Variants in DIP2C observed in about 807,000 individuals in gnomAD.
The protein encoded by DIP2C is DIP2 acetate--CoA ligase C (putative).
DIP2C carries 33 observed loss-of-function variants against 192.4 expected under a neutral mutation model. The ratio of observed to expected loss-of-function variants is 0.17; its 90% CI spans 0.13 to 0.23. The LOEUF is 0.23. Among genes scored for constraint, DIP2C ranks in the 10% least tolerant of loss-of-function variants. The pLI is 1.00. For missense variants in DIP2C, 1,537 were observed against 2,110.1 expected (o/e 0.73, Z 5.32); for synonymous variants, 979 against 864.1 (o/e 1.13, Z -2.33).
At chr10:572,164 C>T (rs1017069912) in intron 1 of DIP2C, among the ~76,000 whole-genome samples, 1 of 152,232 alleles carries the variant, frequency 6.6e-6, no homozygotes, top group Admixed American at 6.5e-5. Context: ...CTGGGGCCCT[C>T]GACAGCCTCA....
chr10:557,491 C>G (rs1288871528), intron 1 of DIP2C, among the ~76,000 whole-genome samples: 3 of 151,388 alleles, frequency 2.0e-5, no homozygotes, highest in Non-Finnish European at 2.9e-5. Flanking sequence ...CTCTGCTGGC[C>G]TCACCTGGGC....
chr10:323,512 C>A (rs1957121424), intron 31 of DIP2C, among the ~76,000 whole-genome samples: 1 of 152,230 alleles, frequency 6.6e-6, no homozygotes, highest in Non-Finnish European at 1.5e-5. Flanking sequence ...CGTTTCCACA[C>A]TCACTCACGA....
At chr10:376,036 T>C (rs1340044165) in intron 17 of DIP2C, among the ~76,000 whole-genome samples, 1 of 152,208 alleles carries the variant, frequency 6.6e-6, no homozygotes, top group Non-Finnish European at 1.5e-5. Flanking sequence ...CCTGCAGTCA[T>C]GTAACGGCGG....
intron 1 of DIP2C, among the ~76,000 whole-genome samples, chr10:593,805 C>T (rs1238366118): frequency 6.6e-6 from 1 of 152,200 alleles, no homozygotes; most frequent in African/African-American, 2.4e-5. Flanking sequence ...GTAAAGTCCA[C>T]AAGAAAGGGA....
chr10:661,633 G>A (rs768157202), intron 1 of DIP2C, among the ~76,000 whole-genome samples: 2 of 152,168 alleles, frequency 1.3e-5, no homozygotes, highest in African/African-American at 4.8e-5. Context: ...TCTAAGCAGG[G>A]CCTTTTCTGG....
intron 9 of DIP2C, among the ~76,000 whole-genome samples, chr10:404,312 G>GA (rs1964651724): frequency 6.6e-6 from 1 of 151,394 alleles, no homozygotes; most frequent in Non-Finnish European, 1.5e-5. Context: ...CGGTTCAAGC[G>GA]ATTCTCTTGC....
At chr10:685,398 G>C (rs1404062668) in intron 1 of DIP2C, among the ~76,000 whole-genome samples, 1 of 151,714 alleles carries the variant, frequency 6.6e-6, no homozygotes, top group Non-Finnish European at 1.5e-5. Context: ...GGAGTCAGTG[G>C]GCATGGAACA....
intron 2 of DIP2C, chr10:484,812 T>C: frequency 6.2e-7 from 1 of 1,611,466 alleles, no homozygotes; most frequent in Non-Finnish European, 8.5e-7. Flanking sequence ...GCCGGTTCCC[T>C]GCGGTGCTGG....
In DIP2C at chr10:662,514, T is replaced by A. The variant is rs546194205; in HGVS notation, c.85+26980A>T. Among the ~76,000 whole-genome samples, 5 of 152,344 alleles carry A rather than the reference T, an allele frequency of 3.3e-5. No individual in the cohort carries two copies. The South Asian group carries it at 1.0e-3, about 32-fold the overall frequency. On this transcript the variant is annotated intron_variant, in intron 1 of 36. Transcript: ENST00000280886. ...CTGAACGCTAATCATGAAGCAGCTG[T>A]GTTTGCTCCTAAATCTGTTTATGCC... is the stretch of plus-strand genomic sequence containing the variant.
Position 617,884 on chromosome 10 carries a change from C to T in DIP2C, c.85+71610G>A, listed in dbSNP as rs181303215. Among the ~76,000 whole-genome samples the T allele has an allele frequency of 2.0e-3, 300 of 152,090 alleles. 1 individual carries two copies. The highest frequency in any genetic ancestry group is 6.8e-3 in the African/African-American group (280 of 41,428). On this transcript the variant is annotated intron_variant, in intron 1 of 36. Coordinates refer to ENST00000280886, the MANE Select transcript of DIP2C (RefSeq NM_014974.3). ...GCCCTCCAAGGGCACTCATCTGTTCCTTATTGCACTAATACCTCGTTTACA... is the reference window on the plus strand; with the variant it reads ...GCCCTCCAAGGGCACTCATCTGTTCTTTATTGCACTAATACCTCGTTTACA...
intron 1 of DIP2C, among the ~76,000 whole-genome samples, chr10:591,966 T>G (rs1345088591): frequency 6.6e-6 from 1 of 152,234 alleles, no homozygotes; most frequent in East Asian, 1.9e-4. Context: ...TGAAGAACGA[T>G]GCGAGTCTAA....
At chr10:493,573 C>T (rs943715105) in intron 1 of DIP2C, among the ~76,000 whole-genome samples, 2 of 152,176 alleles carry the variant, frequency 1.3e-5, no homozygotes, top group African/African-American at 4.8e-5. Context: ...GTGGGCTCTT[C>T]TCAGATGGCC....
chr10:279,000 A>G (rs1021172817), intron 36 of DIP2C, among the ~76,000 whole-genome samples: 2 of 152,076 alleles, frequency 1.3e-5, no homozygotes, highest in Non-Finnish European at 2.9e-5. Flanking sequence ...GAAACTCACT[A>G]TTGTTCTAAG....
chr10:312,562 G>A (rs1004859326), intron 31 of DIP2C, among the ~76,000 whole-genome samples: 3 of 152,056 alleles, frequency 2.0e-5, no homozygotes, highest in Non-Finnish European at 4.4e-5. Context: ...AAGCCCAATG[G>A]AAAAACTGCC....
chr10:542,436 G>A (rs748209290), intron 1 of DIP2C, among the ~76,000 whole-genome samples: 2 of 152,194 alleles, frequency 1.3e-5, no homozygotes, highest in Admixed American at 6.5e-5. Context: ...AGAAAGGAAC[G>A]GTGTCAAAGA....
chr10:484,770 GC>G, intron 2 of DIP2C: 2 of 1,609,446 alleles, frequency 1.2e-6, no homozygotes, highest in South Asian at 1.1e-5. Flanking sequence ...TCTCAGCAAA[GC>G]AGCGCTCACC....
chr10:390,617 G>A (rs935430381), intron 11 of DIP2C, 123 bp downstream of exon 11: 7 of 1,477,546 alleles, frequency 4.7e-6, no homozygotes, highest in African/African-American at 2.8e-5. Flanking sequence ...GTGAAAACTC[G>A]TGGGTCTGTG....
At chr10:439,750 C>CA (rs57002097) in intron 4 of DIP2C, among the ~76,000 whole-genome samples, 24,190 of 152,166 alleles carry the variant, frequency 0.16, 4,980 homozygotes, top group African/African-American at 0.48. Context: ...ATAATGTGGG[C>CA]ATATGCTTGA....
In DIP2C at chr10:387,981, G is replaced by A. The variant is rs759820531; in HGVS notation, c.1598-172C>T. Among the ~76,000 whole-genome samples, 14 of 152,130 alleles carry A rather than the reference G, an allele frequency of 9.2e-5. No individual in the cohort carries two copies. In the East Asian group the frequency reaches 2.3e-3, roughly 25 times the overall value. ...CTCCAAGTAGGCCGGTTTGAGTGCCGGCCACCCTGGAGTTTCTCGACAGAT... is the reference window on the plus strand; with the variant it reads ...CTCCAAGTAGGCCGGTTTGAGTGCCAGCCACCCTGGAGTTTCTCGACAGAT... On this transcript the variant is annotated intron_variant, in intron 13 of 36. Transcript: ENST00000280886.
Sources: gnomAD v4.1 joint callset for allele counts (sites outside exome capture counted in the v4.1 genomes callset) on GRCh38, gnomAD v4.1.1 for gene constraint, MANE v1.5 for transcripts, NCBI Gene and HGNC (gene_info 2026-07-23, HGNC 2026-07-21) for gene names.